PCDH11X: variants seen among roughly 807,000 people sequenced by gnomAD.
PCDH11X encodes protocadherin 11 X-linked.
PCDH11X carries 18 observed loss-of-function variants against 53.3 expected under a neutral mutation model. The observed-to-expected ratio is 0.34, with a 90% CI of 0.23 to 0.50. The LOEUF is 0.50. PCDH11X is among the 20% of genes least tolerant of loss of function. The probability of loss-of-function intolerance (pLI) is 0.98; values close to 1 mark genes in which losing one functional copy is unlikely to be tolerated. For missense variants in PCDH11X, 570 were observed against 1,032.4 expected (o/e 0.55, Z 6.14); for synonymous variants, 279 against 393.3 (o/e 0.71, Z 3.44).
intron 8 of PCDH11X, among the ~76,000 whole-genome samples, chrX:92,381,173 G>T (rs1353266216): frequency 9.7e-6 from 1 of 102,890 alleles, no homozygotes; most frequent in Non-Finnish European, 2.0e-5. Context: ...TATTATTACT[G>T]GAAGATGCAA....
chrX:92,019,622 A>G (rs2062852061), intron 6 of PCDH11X, among the ~76,000 whole-genome samples: 1 of 112,125 alleles, frequency 8.9e-6, no homozygotes, highest in Non-Finnish European at 1.9e-5. Context: ...CGGGTAAATA[A>G]TGAAATTGAG....
rs761547493 is a variant in PCDH11X at position 92,371,795 on chromosome X, G to C, written c.3145-15940G>C. Among the ~76,000 whole-genome samples, 269 of 108,588 alleles carry C rather than the reference G, an allele frequency of 2.5e-3. 1 individual carries two copies. Among genetic ancestry groups the C allele is most frequent in the African/African-American group, 8.6e-3 (256 of 29,815 alleles). 94.3% of individuals were successfully genotyped at this position (108,588 alleles called of 115,157 possible). On this transcript the variant is annotated intron_variant, in intron 8 of 10. Transcript: ENST00000682573. Reference sequence around the variant, plus strand: ...GGAATAGCAGTGCCACTTGGGGGTGGGTGATTTGATGGCTTTTGGGTAATA... The same window carrying C: ...GGAATAGCAGTGCCACTTGGGGGTGCGTGATTTGATGGCTTTTGGGTAATA...
At position 92,098,182 on chromosome X, in the gene PCDH11X, C is replaced by A. The variant is rs776876746; in HGVS notation, c.3034-103193C>A. Among the ~76,000 whole-genome samples the A allele has an allele frequency of 4.5e-5, 5 of 110,209 alleles. No homozygotes were observed. The South Asian group carries it at 1.5e-3, about 34-fold the overall frequency. ...CTAGGGATTTATTATTTTATTTTTTCTTCTTGCACCAGTGTTTCCTGGCCT... is the reference window on the plus strand; with the variant it reads ...CTAGGGATTTATTATTTTATTTTTTATTCTTGCACCAGTGTTTCCTGGCCT... On this transcript the variant is annotated intron_variant, in intron 6 of 10. Coordinates refer to ENST00000682573, the MANE Select transcript of PCDH11X (RefSeq NM_032968.5).
intron 6 of PCDH11X, among the ~76,000 whole-genome samples, chrX:91,907,529 TA>T (rs940747509): frequency 1.9e-5 from 2 of 108,020 alleles, no homozygotes; most frequent in African/African-American, 3.4e-5. Context: ...AATTTATATT[TA>T]AAAAATCAAT....
rs6652618 is a variant in PCDH11X at position 92,091,615 on chromosome X, G to T, written c.3034-109760G>T. 3.4e-3 allele frequency among the ~76,000 whole-genome samples: 378 copies of T among 111,118 alleles called. 4 individuals carry two copies. The highest frequency in any genetic ancestry group is 1.1e-3 in the East Asian group (4 of 3,499). On this transcript the variant is annotated intron_variant, in intron 6 of 10. Transcript: ENST00000682573. ...TCAAATACATTTAAGAAATACATTGGCTTGGTTCAGAAAGGTGGGACAACT... is the reference window on the plus strand; with the variant it reads ...TCAAATACATTTAAGAAATACATTGTCTTGGTTCAGAAAGGTGGGACAACT...
At chrX:92,140,477 T>C (rs2065160609) in intron 6 of PCDH11X, among the ~76,000 whole-genome samples, 1 of 111,619 alleles carries the variant, frequency 9.0e-6, no homozygotes, top group Admixed American at 9.6e-5. Flanking sequence ...CCAAAACTGT[T>C]GTGCAATTTA....
At chrX:92,135,757 TTGTGTGTGTG>T (rs575523392) in intron 6 of PCDH11X, among the ~76,000 whole-genome samples, 3 of 100,162 alleles carry the variant, frequency 3.0e-5, no homozygotes, top group Admixed American at 1.1e-4. Context: ...GTGTGCATGT[TTGTGTGTGTG>T]TGTGTGTGTG....
intron 7 of PCDH11X, among the ~76,000 whole-genome samples, chrX:92,258,151 T>C (rs2067635890): frequency 9.0e-6 from 1 of 110,812 alleles, no homozygotes; most frequent in Admixed American, 9.6e-5. Flanking sequence ...CATTTAGCTA[T>C]GTCTGGAACA....
chrX:92,079,516 G>A (rs1436251030), intron 6 of PCDH11X, among the ~76,000 whole-genome samples: 2 of 110,694 alleles, frequency 1.8e-5, no homozygotes, highest in East Asian at 5.7e-4. Flanking sequence ...TCTGATATCT[G>A]TTAGTGGGTG....
At chrX:92,262,097 A>C (rs2067728347) in intron 7 of PCDH11X, among the ~76,000 whole-genome samples, 1 of 110,861 alleles carries the variant, frequency 9.0e-6, no homozygotes, top group African/African-American at 3.3e-5. Flanking sequence ...AAATGATAGA[A>C]AAAAATATAC....
In PCDH11X at chrX:92,397,454, TGAA is replaced by T. The variant is rs937071647; in HGVS notation, c.3343+9526_3343+9528del. On this transcript the variant is annotated intron_variant, in intron 9 of 10. Transcript: ENST00000682573. Reference sequence around the variant, plus strand: ...GCAGAAATGCCTCTTAAATTTGATTTGAAGAAGGAGTCAATTTTTTTTTTTTGG... The same window carrying T: ...GCAGAAATGCCTCTTAAATTTGATTTGAAGGAGTCAATTTTTTTTTTTTGG... Among the ~76,000 whole-genome samples, 8 of 109,661 alleles carry T rather than the reference TGAA, an allele frequency of 7.3e-5. No homozygotes were observed. The South Asian group carries it at 1.6e-3, about 22-fold the overall frequency.
At position 92,154,436 on chromosome X, in the gene PCDH11X, C is replaced by T. The variant is rs769494937; in HGVS notation, c.3034-46939C>T. On this transcript the variant is annotated intron_variant, in intron 6 of 10. Coordinates refer to ENST00000682573, the MANE Select transcript of PCDH11X (RefSeq NM_032968.5). ...TGGTTTATGCACATTATTATTGATACGGAAGTGGGGCAGGGAAACTCTGCG... is the reference window on the plus strand; with the variant it reads ...TGGTTTATGCACATTATTATTGATATGGAAGTGGGGCAGGGAAACTCTGCG... Among the ~76,000 whole-genome samples, 4 of 107,991 alleles carry T rather than the reference C, an allele frequency of 3.7e-5. No individual in the cohort carries two copies. In the South Asian group the frequency reaches 1.6e-3, roughly 44 times the overall value. 93.8% of individuals were successfully genotyped at this position (107,991 alleles called of 115,157 possible).
chrX:92,478,646 T>C (rs1480282160), intron 10 of PCDH11X, among the ~76,000 whole-genome samples: 1 of 111,854 alleles, frequency 8.9e-6, no homozygotes. Context: ...ATTCATGACC[T>C]GAGCAAATTA....
chrX:92,195,350 G>A (rs966246117), intron 6 of PCDH11X, among the ~76,000 whole-genome samples: 2 of 111,331 alleles, frequency 1.8e-5, no homozygotes, highest in African/African-American at 6.5e-5. Context: ...TTTCCACCTG[G>A]TGATTTGTTG....
chrX:92,165,252 G>A (rs1286928424), intron 6 of PCDH11X, among the ~76,000 whole-genome samples: 1 of 111,728 alleles, frequency 9.0e-6, no homozygotes, highest in Non-Finnish European at 1.9e-5. Flanking sequence ...CAGCCTCAAT[G>A]CTAAAGCTTT....
intron 6 of PCDH11X, chrX:91,880,006 T>G (rs187367255): frequency 1.4e-6 from 1 of 689,688 alleles, no homozygotes. Flanking sequence ...TCTTAAAAGA[T>G]AATAACTTTT....
rs748206259 is a variant in PCDH11X, at chrX:92,145,275, T to C, written c.3034-56100T>C. ...GTTGGGACTTTCAGAGAAGTATTGC[T>C]GTGGTCATTTGGTGAATATTTATGA... On this transcript the variant is annotated intron_variant, in intron 6 of 10. Transcript: ENST00000682573. Among the ~76,000 whole-genome samples the C allele has an allele frequency of 3.9e-4, 44 of 112,184 alleles. 1 individual carries two copies. Among genetic ancestry groups the C allele is most frequent in the African/African-American group, 1.4e-3 (42 of 30,922 alleles).
At chrX:92,164,383 G>A (rs760097685) in intron 6 of PCDH11X, among the ~76,000 whole-genome samples, 2 of 112,295 alleles carry the variant, frequency 1.8e-5, no homozygotes, top group African/African-American at 6.5e-5. Flanking sequence ...TGTTGTGAAA[G>A]CCCTAAGATA....
intron 10 of PCDH11X, among the ~76,000 whole-genome samples, chrX:92,602,272 G>T (rs1926316178): frequency 9.0e-6 from 1 of 111,649 alleles, no homozygotes; most frequent in Admixed American, 9.5e-5. Flanking sequence ...AAGGCAATAA[G>T]AAGAAGCCGA....
Sources: gnomAD v4.1 joint callset for allele counts (sites outside exome capture counted in the v4.1 genomes callset) on GRCh38, gnomAD v4.1.1 for gene constraint, MANE v1.5 for transcripts, NCBI Gene and HGNC (gene_info 2026-07-23, HGNC 2026-07-21) for gene names.